Variants in DMD observed in about 807,000 individuals in gnomAD.
DMD encodes mutant dystrophin.
A neutral mutation model predicts 330.1 loss-of-function variants in DMD; 63 were observed. The observed-to-expected ratio is 0.19, with a 90% CI of 0.16 to 0.24. DMD has a LOEUF of 0.24. DMD is among the 10% of genes least tolerant of loss of function. DMD has a pLI of 1.00. For missense variants in DMD, 3,344 were observed against 2,684.1 expected (o/e 1.25, Z -5.43); for synonymous variants, 1,223 against 959.8 (o/e 1.27, Z -5.07).
intron 41 of DMD, among the ~76,000 whole-genome samples, chrX:32,336,006 TTA>T (rs1228879378): frequency 1.1e-5 from 1 of 92,032 alleles, no homozygotes; most frequent in Non-Finnish European, 2.2e-5. Flanking sequence ...ATATATAACG[TTA>T]TATATAACGT....
chrX:32,973,759 C>T (rs1461789468), intron 2 of DMD, among the ~76,000 whole-genome samples: 1 of 111,918 alleles, frequency 8.9e-6, no homozygotes, highest in Non-Finnish European at 1.9e-5. Context: ...TTTTAAACTG[C>T]TAAGTATCAG....
chrX:33,251,241 A>G (rs2052767882), intron 1 of DMD, among the ~76,000 whole-genome samples: 1 of 112,155 alleles, frequency 8.9e-6, no homozygotes, highest in Non-Finnish European at 1.9e-5. Context: ...AGTGCGTACT[A>G]TAATAAAACC....
intron 44 of DMD, among the ~76,000 whole-genome samples, chrX:32,142,944 C>G (rs1295697118): frequency 9.0e-6 from 1 of 111,471 alleles, no homozygotes; most frequent in Non-Finnish European, 1.9e-5. Context: ...CACAAATCAC[C>G]CTTCACTCAA....
At chrX:32,499,898 G>A (rs187905430) in intron 19 of DMD, among the ~76,000 whole-genome samples, 1 of 111,076 alleles carries the variant, frequency 9.0e-6, no homozygotes, top group East Asian at 2.8e-4. Context: ...TTCCTTGAAC[G>A]ACAAAAACGG....
At chrX:32,732,057 A>G (rs940695866) in intron 7 of DMD, among the ~76,000 whole-genome samples, 1 of 111,777 alleles carries the variant, frequency 8.9e-6, no homozygotes, top group Admixed American at 9.5e-5. Flanking sequence ...CATTACAGAG[A>G]AGTGCTTAAA....
At chrX:32,304,284 A>C (rs996250822) in intron 42 of DMD, among the ~76,000 whole-genome samples, 1 of 111,303 alleles carries the variant, frequency 9.0e-6, no homozygotes, top group South Asian at 3.7e-4. Context: ...TGCTTTCTAC[A>C]CTTTACACGA....
intron 13 of DMD, among the ~76,000 whole-genome samples, chrX:32,587,294 C>A (rs769260908): frequency 1.8e-5 from 2 of 111,287 alleles, no homozygotes; most frequent in African/African-American, 6.5e-5. Flanking sequence ...CCCTTTGTAA[C>A]CTGTGTGATA....
intron 44 of DMD, among the ~76,000 whole-genome samples, chrX:32,213,557 G>A (rs1214654609): frequency 8.9e-6 from 1 of 112,034 alleles, no homozygotes; most frequent in African/African-American, 3.2e-5. Flanking sequence ...TTAACTGTTT[G>A]GGGGGTTTGT....
intron 1 of DMD, among the ~76,000 whole-genome samples, chrX:33,216,870 G>C (rs767672823): frequency 9.0e-6 from 1 of 111,179 alleles, no homozygotes; most frequent in Non-Finnish European, 1.9e-5. Flanking sequence ...TATGGTAAAC[G>C]TAAAGTGAAC....
At chrX:33,171,023 TG>T (rs1455500780) in intron 1 of DMD, among the ~76,000 whole-genome samples, 1 of 112,010 alleles carries the variant, frequency 8.9e-6, no homozygotes, top group Non-Finnish European at 1.9e-5. Context: ...TCTGTTCAAT[TG>T]ATCTATGTGT....
intron 7 of DMD, among the ~76,000 whole-genome samples, chrX:32,749,347 T>A (rs1603351190): frequency 8.9e-6 from 1 of 112,244 alleles, no homozygotes; most frequent in Middle Eastern, 4.7e-3. Context: ...TCTCCCCAGC[T>A]AAATGGTATG....
chrX:31,154,795 C>T (rs1284585103), intron 74 of DMD, among the ~76,000 whole-genome samples: 2 of 111,336 alleles, frequency 1.8e-5, no homozygotes, highest in East Asian at 5.6e-4. Context: ...AATCTATTTA[C>T]GTTCTTGATT....
At chrX:32,885,827 G>GGA (rs1557115361) in intron 2 of DMD, among the ~76,000 whole-genome samples, 6,821 of 65,312 alleles carry the variant, frequency 0.1, 331 homozygotes, top group Non-Finnish European at 0.13. Context: ...CCTTGAGGGG[G>GGA]AAAAAAAAAA....
At chrX:32,735,396 A>T (rs2068316463) in intron 7 of DMD, among the ~76,000 whole-genome samples, 1 of 110,958 alleles carries the variant, frequency 9.0e-6, no homozygotes, top group Non-Finnish European at 1.9e-5. Flanking sequence ...GCCTTTCTTC[A>T]CAGAATTGGA....
At chrX:31,859,681 T>A (rs981111470) in intron 48 of DMD, among the ~76,000 whole-genome samples, 4 of 112,487 alleles carry the variant, frequency 3.6e-5, no homozygotes, top group African/African-American at 1.3e-4. Context: ...TACGACTTTG[T>A]GAATAAACAG....
At chrX:32,300,430 C>T (rs331321) in intron 42 of DMD, among the ~76,000 whole-genome samples, 37,121 of 109,859 alleles carry the variant, frequency 0.34, 4,936 homozygotes, top group East Asian at 0.49. Flanking sequence ...CAGAATTACA[C>T]CTGCCCATTT....
intron 48 of DMD, among the ~76,000 whole-genome samples, chrX:31,852,847 T>C (rs1412887242): frequency 8.9e-6 from 1 of 112,436 alleles, no homozygotes; most frequent in African/African-American, 3.2e-5. Context: ...TATAGACTCA[T>C]AGAAAGAGTT....
intron 51 of DMD, among the ~76,000 whole-genome samples, chrX:31,752,576 C>T (rs2149133134): frequency 9.0e-6 from 1 of 110,743 alleles, no homozygotes; most frequent in South Asian, 3.9e-4. Flanking sequence ...TTCACAAAAG[C>T]GTTACATTAA....
intron 4 of DMD, among the ~76,000 whole-genome samples, chrX:32,835,550 G>T (rs1257235033): frequency 1.8e-5 from 2 of 112,540 alleles, no homozygotes; most frequent in African/African-American, 6.5e-5. Flanking sequence ...ATTATTGACA[G>T]CAGGGATAAC....
Sources: allele counts gnomAD v4.1 joint callset (sites outside exome capture counted in the v4.1 genomes callset), GRCh38; gene constraint gnomAD v4.1.1; transcripts MANE v1.5; gene names NCBI Gene and HGNC (gene_info 2026-07-23, HGNC 2026-07-21).